ASIC4: variants seen among roughly 807,000 people sequenced by gnomAD.
The protein encoded by ASIC4 is acid sensing ion channel subunit family member 4.
In ASIC4, 28 loss-of-function variants were observed where a neutral mutation model predicts 53.4. The observed-to-expected ratio is 0.52, with a 90% confidence interval of 0.39 to 0.72. ASIC4 has a LOEUF of 0.72. Among genes scored for constraint, ASIC4 ranks in the 30% least tolerant of loss-of-function variants. The pLI is 0.00. For missense variants in ASIC4, 649 were observed against 729.7 expected (o/e 0.89, Z 1.27); for synonymous variants, 289 against 301.4 (o/e 0.96, Z 0.43).
upstream of ASIC4, among the ~76,000 whole-genome samples, chr2:219,511,228 G>A (rs1412864133): frequency 6.6e-6 from 1 of 152,156 alleles, no homozygotes; most frequent in Non-Finnish European, 1.5e-5. The surrounding 1 kb of genome is among the most constrained non-coding windows in gnomAD (Gnocchi z 5.3). Flanking sequence ...GGGGGTTCCT[G>A]TGCTTTGAGA....
chr2:219,527,793 G>C (rs1694982498), intron 1 of ASIC4, among the ~76,000 whole-genome samples: 2 of 152,236 alleles, frequency 1.3e-5, no homozygotes, highest in African/African-American at 2.4e-5. Context: ...CACAGGACTT[G>C]GTACAAAGTC....
Position 219,517,211 on chromosome 2 carries a change from C to T in ASIC4, c.582+1905C>T, listed in dbSNP as rs1694808610. The T allele has an allele frequency of 6.6e-6, 1 of 152,318 alleles. No homozygotes were observed. The highest frequency in any genetic ancestry group is 1.5e-5 in the Non-Finnish European group (1 of 68,138). The allele number at this position is 152,318 out of a possible 1,614,324, so 9.4% of individuals were successfully genotyped here. ...GGAGGCAGAGGGTTCTGCTTGGTCT[C>T]CAGGCTAGGAGGCGGTGCCTGGAGG... On this transcript the variant is annotated intron_variant, in intron 1 of 9. Coordinates refer to ENST00000358078, the MANE Select transcript of ASIC4 (RefSeq NM_018674.6). This position sits in a 1 kb window ranked among gnomAD's most constrained non-coding sequence, Gnocchi z 4.2.
At position 219,536,626 on chromosome 2, in the gene ASIC4, G is replaced by C. The variant is rs1695142249; in HGVS notation, c.1230-440G>C. Among the ~76,000 whole-genome samples the C allele has an allele frequency of 6.6e-6, 1 of 152,034 alleles. No homozygotes were observed. The highest frequency in any genetic ancestry group is 2.4e-5 in the African/African-American group (1 of 41,400). On this transcript the variant is annotated intron_variant, in intron 6 of 9. Coordinates refer to ENST00000358078, the MANE Select transcript of ASIC4 (RefSeq NM_018674.6). This position sits in a 1 kb window ranked among gnomAD's most constrained non-coding sequence, Gnocchi z 4.6. ...GGTGGGGTGGTGTGGCGGGGAGCCTGAGCCATAGGCAGCTGTGTGGAGGAA... is the reference window on the plus strand; with the variant it reads ...GGTGGGGTGGTGTGGCGGGGAGCCTCAGCCATAGGCAGCTGTGTGGAGGAA...
the ASIC4 span, among the ~76,000 whole-genome samples, chr2:219,508,457 T>C: frequency 6.6e-6 from 1 of 151,722 alleles, no homozygotes; most frequent in Non-Finnish European, 1.5e-5. Context: ...GGTCAGTGTT[T>C]GAAGGGGGGT....
chr2:219,532,169 C>A, intron 3 of ASIC4, 41 bp downstream of exon 3: 1 of 1,611,668 alleles, frequency 6.2e-7, no homozygotes, highest in Non-Finnish European at 8.5e-7. Flanking sequence ...GCACAGGGCT[C>A]GCCTTTGGGC....
intron 1 of ASIC4, among the ~76,000 whole-genome samples, chr2:219,519,478 A>G (rs949841395): frequency 1.3e-5 from 2 of 152,068 alleles, no homozygotes; most frequent in South Asian, 2.1e-4. Context: ...TTTCCATTCT[A>G]TCCAGCCCTC....
intron 1 of ASIC4, among the ~76,000 whole-genome samples, chr2:219,525,046 A>G (rs990503223): frequency 6.6e-6 from 1 of 152,236 alleles, no homozygotes; most frequent in Non-Finnish European, 1.5e-5. Flanking sequence ...GAGAGGTTTA[A>G]TCACACATCT....
At chr2:219,531,365 CA>C (rs375874015) in intron 1 of ASIC4, among the ~76,000 whole-genome samples, 83 of 145,688 alleles carry the variant, frequency 5.7e-4, no homozygotes, top group Middle Eastern at 3.5e-3. Flanking sequence ...GACCATATCT[CA>C]AAAAAAAAAG....
chr2:219,529,804 G>T (rs1695012391), intron 1 of ASIC4, among the ~76,000 whole-genome samples: 1 of 152,106 alleles, frequency 6.6e-6, no homozygotes, highest in Non-Finnish European at 1.5e-5. Flanking sequence ...CTTTGTTTGT[G>T]GTGCACACGT....
At chr2:219,530,673 T>C (rs970336995) in intron 1 of ASIC4, among the ~76,000 whole-genome samples, 3 of 152,150 alleles carry the variant, frequency 2.0e-5, no homozygotes, top group Admixed American at 6.5e-5. Context: ...GATGGGCAGC[T>C]AGCCATACCA....
At chr2:219,525,691 A>G (rs540983562) in intron 1 of ASIC4, among the ~76,000 whole-genome samples, 2 of 152,306 alleles carry the variant, frequency 1.3e-5, no homozygotes, top group South Asian at 4.1e-4. Flanking sequence ...TTGAACCTGG[A>G]TACTGGGCCA....
At chr2:219,515,663 A>T (rs1694776039) in intron 1 of ASIC4, among the ~76,000 whole-genome samples, 2 of 151,928 alleles carry the variant, frequency 1.3e-5, no homozygotes, top group South Asian at 4.1e-4. Context: ...AGACCAACTG[A>T]CTCTCACTTT....
rs1290707300 is a variant in ASIC4 at position 219,515,147 on chromosome 2, G to C, written c.423G>C (p.Gly141=). The change falls in exon 1 of 10, where the codon GGG becomes GGC. Residue 141 remains glycine, a synonymous_variant. Transcript: ENST00000358078. The part of the protein sequence containing the change: ...ADIFHLANLT[G]LPPKDRDGHR... ...TCTTCCACCTGGCCAATCTGACAGG[G>C]CTGCCCCCCAAAGACCGGGATGGGC... 6.2e-7 allele frequency: 1 copy of C among 1,614,170 alleles called. No homozygotes were observed. The highest frequency in any genetic ancestry group is 8.5e-7 in the Non-Finnish European group (1 of 1,180,024).
At chr2:219,513,549 C>T (rs1009043708), upstream of ASIC4, among the ~76,000 whole-genome samples, 1 of 152,216 alleles carries the variant, frequency 6.6e-6, no homozygotes, top group Non-Finnish European at 1.5e-5. Flanking sequence ...CTTCCACGCC[C>T]CCACTGGGGC....
rs1483763229 is a variant in ASIC4 at position 219,527,038 on chromosome 2, C to G, written c.583-4720C>G. ...GTGACCGGACCCTGGACTCTCAACTCCTTTGCATACTGCCCCCTCTTCCTG... is the reference window on the plus strand; with the variant it reads ...GTGACCGGACCCTGGACTCTCAACTGCTTTGCATACTGCCCCCTCTTCCTG... On this transcript the variant is annotated intron_variant, in intron 1 of 9. Transcript: ENST00000358078. Among the ~76,000 whole-genome samples the G allele has an allele frequency of 2.6e-5, 4 of 152,244 alleles. No homozygotes were observed. The South Asian group carries it at 8.3e-4, about 31-fold the overall frequency.
chr2:219,532,289 G>T, intron 3 of ASIC4, 26 bp from the exon 4 acceptor site: 1 of 1,602,562 alleles, frequency 6.2e-7, no homozygotes, highest in South Asian at 1.1e-5. Flanking sequence ...TCCTGAGCAT[G>T]ACCTCATCAT....
intron 1 of ASIC4, among the ~76,000 whole-genome samples, chr2:219,520,399 C>T (rs942054913): frequency 2.0e-5 from 3 of 152,134 alleles, no homozygotes; most frequent in Non-Finnish European, 2.9e-5. Flanking sequence ...GACCCAGTTT[C>T]GGGCTCCTTA....
Position 219,535,304 on chromosome 2 carries a change from C to T in ASIC4, c.1209C>T (p.Asn403=), listed in dbSNP as rs1695112711. 6.2e-7 allele frequency: 1 copy of T among 1,612,006 alleles called. No homozygotes were observed. The highest frequency in any genetic ancestry group is 2.2e-5 in the East Asian group (1 of 44,786). The part of the protein sequence containing the change: ...GSARYLARKY[N]RNETYIRENF... The stretch of plus-strand genomic sequence containing the variant: ...CCCGGTACCTGGCGAGGAAGTACAA[C>T]CGCAACGAGACCTACATACGGTATG... The change falls in exon 6 of 10, where the codon AAC becomes AAT. Residue 403 remains asparagine, a synonymous_variant. Coordinates refer to ENST00000358078, the MANE Select transcript of ASIC4 (RefSeq NM_018674.6).
In ASIC4 at chr2:219,516,143, C is replaced by T. The variant is rs1694785217; in HGVS notation, c.582+837C>T. Among the ~76,000 whole-genome samples, 1 of 152,142 alleles carries T rather than the reference C, an allele frequency of 6.6e-6. No homozygotes were observed. Among genetic ancestry groups the T allele is most frequent in the Non-Finnish European group, 1.5e-5 (1 of 68,022 alleles). ...ACACTCCCTCTCTCACTCACTGTCC[C>T]TGTCACTACACTCACATGCACACCT... is the stretch of plus-strand genomic sequence containing the variant. On this transcript the variant is annotated intron_variant, in intron 1 of 9. Transcript: ENST00000358078. The surrounding 1 kb of genome is among the most constrained non-coding windows in gnomAD (Gnocchi z 4.9).
Sources: allele counts gnomAD v4.1 joint callset (sites outside exome capture counted in the v4.1 genomes callset), GRCh38; gene constraint gnomAD v4.1.1; non-coding constraint Gnocchi (gnomAD v3.1); transcripts MANE v1.5; gene names NCBI Gene and HGNC (gene_info 2026-07-23, HGNC 2026-07-21).